The following DPP10 variants were observed in gnomAD, a reference collection of about 807,000 sequenced individuals.
The protein encoded by DPP10 is dipeptidyl peptidase like 10.
DPP10 carries 33 observed loss-of-function variants against 120.9 expected under a neutral mutation model. That is an observed-to-expected ratio of 0.27 (90% CI 0.21 to 0.37). DPP10 has a LOEUF of 0.37. Among genes scored for constraint, DPP10 ranks in the 10% least tolerant of loss-of-function variants. The pLI is 1.00. For synonymous variants in DPP10, 337 were observed against 326.1 expected, an observed-to-expected ratio of 1.03 and a Z score of -0.36; for missense variants, 816 against 942.8, an observed-to-expected ratio of 0.87 and a Z score of 1.76.
intron 7 of DPP10, among the ~76,000 whole-genome samples, chr2:115,713,651 A>G (rs1189603566): frequency 6.6e-6 from 1 of 152,188 alleles, no homozygotes; most frequent in Non-Finnish European, 1.5e-5. Context: ...GCATGTGATG[A>G]AGGATTCTGG....
intron 19 of DPP10, among the ~76,000 whole-genome samples, chr2:115,813,890 A>G (rs997748264): frequency 1.3e-5 from 2 of 152,162 alleles, no homozygotes; most frequent in Non-Finnish European, 2.9e-5. Flanking sequence ...CCAACTAACA[A>G]TGGAGATCCT....
intron 1 of DPP10, among the ~76,000 whole-genome samples, chr2:114,601,335 C>T (rs1483869784): frequency 2.0e-5 from 3 of 151,960 alleles, no homozygotes; most frequent in African/African-American, 7.2e-5. Context: ...GATCTTCTCA[C>T]ATATATCTAT....
chr2:114,869,350 C>A (rs1558826396), intron 1 of DPP10, among the ~76,000 whole-genome samples: 1 of 152,142 alleles, frequency 6.6e-6, no homozygotes, highest in Non-Finnish European at 1.5e-5. Context: ...CACTGGCTCC[C>A]AGCTTGTCTG....
At chr2:114,963,752 C>A (rs942298944) in intron 1 of DPP10, among the ~76,000 whole-genome samples, 2 of 152,144 alleles carry the variant, frequency 1.3e-5, no homozygotes, top group African/African-American at 4.8e-5. Flanking sequence ...GAGGGTAAGA[C>A]TTCACACAGA....
At chr2:114,501,659 G>A (rs114538611) in intron 1 of DPP10, among the ~76,000 whole-genome samples, 5 of 152,116 alleles carry the variant, frequency 3.3e-5, no homozygotes, top group Middle Eastern at 3.4e-3. Context: ...ACATTACTAC[G>A]CCCCATTAGG....
At chr2:115,130,054 C>A (rs1453489100) in intron 1 of DPP10, among the ~76,000 whole-genome samples, 1 of 152,156 alleles carries the variant, frequency 6.6e-6, no homozygotes, top group Non-Finnish European at 1.5e-5. Flanking sequence ...ACCATTTTCA[C>A]AATTAATTTT....
At chr2:114,851,848 C>T (rs1162126163) in intron 1 of DPP10, among the ~76,000 whole-genome samples, 2 of 152,096 alleles carry the variant, frequency 1.3e-5, no homozygotes, top group Non-Finnish European at 2.9e-5. Flanking sequence ...ACTTGAGGAC[C>T]CCTAGAATGT....
Position 114,512,453 on chromosome 2 carries a change from C to G in DPP10, c.60+69615C>G, listed in dbSNP as rs139738608. Among the ~76,000 whole-genome samples the G allele has an allele frequency of 1.4e-3, 210 of 152,258 alleles. 1 individual carries two copies. The highest frequency in any genetic ancestry group is 4.9e-3 in the African/African-American group (203 of 41,542). On this transcript the variant is annotated intron_variant, in intron 1 of 25. Transcript: ENST00000410059. ...CTGCATTTTCTGCTTTGGTGCACCC[C>G]TTAGAGAGCCTAGTGTGGTTCAGAC...
chr2:115,715,185 C>A (rs187195038), intron 7 of DPP10, among the ~76,000 whole-genome samples: 401 of 151,142 alleles, frequency 2.7e-3, no homozygotes, highest in Middle Eastern at 0.01. Context: ...ACTAAAAACA[C>A]AAAATTAGCT....
At chr2:115,286,540 T>TATATATATATATATATATATAA (rs1559367032) in intron 1 of DPP10, among the ~76,000 whole-genome samples, 7 of 107,338 alleles carry the variant, frequency 6.5e-5, no homozygotes, top group Non-Finnish European at 9.7e-5. Context: ...TATATATATA[T>TATATATATATATATATATATAA]AAAATATATA....
intron 3 of DPP10, among the ~76,000 whole-genome samples, chr2:115,427,128 G>T (rs1474180832): frequency 3.3e-5 from 5 of 152,138 alleles, no homozygotes; most frequent in African/African-American, 1.2e-4. Flanking sequence ...AGCTGCAAGG[G>T]GTGGGCTCCC....
At chr2:114,671,334 CTA>C (rs972067459) in intron 1 of DPP10, among the ~76,000 whole-genome samples, 7 of 152,180 alleles carry the variant, frequency 4.6e-5, no homozygotes, top group African/African-American at 1.7e-4. Flanking sequence ...TCATGTGACT[CTA>C]TAATACCTAG....
At chr2:115,084,456 T>C (rs1337205066) in intron 1 of DPP10, among the ~76,000 whole-genome samples, 2 of 152,218 alleles carry the variant, frequency 1.3e-5, no homozygotes, top group African/African-American at 2.4e-5. Flanking sequence ...TTTGTGGACA[T>C]GTGTCATCTG....
At chr2:114,591,166 C>T (rs1377175858) in intron 1 of DPP10, among the ~76,000 whole-genome samples, 5 of 152,162 alleles carry the variant, frequency 3.3e-5, no homozygotes, top group Admixed American at 1.3e-4. Flanking sequence ...TCTTAGCATT[C>T]GAATGGGGTA....
At chr2:114,809,359 T>C (rs1684995156) in intron 1 of DPP10, among the ~76,000 whole-genome samples, 1 of 152,212 alleles carries the variant, frequency 6.6e-6, no homozygotes, top group Non-Finnish European at 1.5e-5. Flanking sequence ...ATTTGGTTTC[T>C]TTCTATTGTC....
chr2:115,052,695 T>C (rs140958525), intron 1 of DPP10, among the ~76,000 whole-genome samples: 1 of 152,154 alleles, frequency 6.6e-6, no homozygotes, highest in Non-Finnish European at 1.5e-5. Flanking sequence ...CTCACACCTA[T>C]AATCCTAGCA....
intron 1 of DPP10, among the ~76,000 whole-genome samples, chr2:115,182,069 A>T (rs1464966992): frequency 6.6e-6 from 1 of 152,226 alleles, no homozygotes; most frequent in East Asian, 1.9e-4. Context: ...AGAAATAAAT[A>T]TAAAGCAATC....
At chr2:115,350,882 A>T (rs754935396) in intron 3 of DPP10, among the ~76,000 whole-genome samples, 13 of 152,094 alleles carry the variant, frequency 8.5e-5, no homozygotes, top group African/African-American at 1.4e-4. Flanking sequence ...ACAAATGTTG[A>T]TGAGGCTGTG....
At chr2:115,295,567 TA>T (rs2060848268) in intron 1 of DPP10, among the ~76,000 whole-genome samples, 1 of 152,140 alleles carries the variant, frequency 6.6e-6, no homozygotes, top group African/African-American at 2.4e-5. Flanking sequence ...TATTGATTAC[TA>T]CAGTGGAAAT....
Sources: allele counts gnomAD v4.1 joint callset (sites outside exome capture counted in the v4.1 genomes callset), GRCh38; gene constraint gnomAD v4.1.1; transcripts MANE v1.5; gene names NCBI Gene and HGNC (gene_info 2026-07-23, HGNC 2026-07-21).